The following BEND7 variants were observed in gnomAD, a reference collection of about 807,000 sequenced individuals.
The protein encoded by BEND7 is BEN domain-containing protein 7.
Under a neutral mutation model 50.9 loss-of-function variants are expected in BEND7, and 28 were observed. That is an observed-to-expected ratio of 0.55 (90% CI 0.41 to 0.75). The LOEUF is 0.75. Ranked by LOEUF, BEND7 falls within the 30% of genes least tolerant of loss-of-function variation. The probability of loss-of-function intolerance (pLI) is 0.00; values close to 1 mark genes in which losing one functional copy is unlikely to be tolerated. For missense variants in BEND7, 477 were observed against 491.3 expected (o/e 0.97, Z 0.28); for synonymous variants, 170 against 183.9 (o/e 0.92, Z 0.61).
chr10:13,441,505 T>C lies in BEND7; in HGVS notation c.*238A>G. ...CTCAAGTGCTGAACACCCCAAGCTG[T>C]GGCCCCGCCTTGGAAGGCAGTGCTT... On this transcript the variant is annotated 3_prime_UTR_variant, in exon 9 of 9. Coordinates refer to ENST00000466271, the MANE Select transcript of BEND7 (RefSeq NM_001369863.1). The C allele has an allele frequency of 1.5e-6, 2 of 1,374,984 alleles. No homozygotes were observed. Among genetic ancestry groups the C allele is most frequent in the Admixed American group, 6.6e-5 (2 of 30,398 alleles). The allele number at this position is 1,374,984 out of a possible 1,614,324, so 85.2% of individuals were successfully genotyped here.
intron 1 of BEND7, 89 bp downstream of exon 1, chr10:13,528,384 G>A (rs2079559226): frequency 3.5e-6 from 2 of 569,054 alleles, no homozygotes; most frequent in African/African-American, 4.1e-5. Context: ...CGGGGGCTCC[G>A]GGAGGGCGCG....
chr10:13,484,983 ATTTG>A (rs755336690), intron 5 of BEND7, among the ~76,000 whole-genome samples: 13 of 152,172 alleles, frequency 8.5e-5, no homozygotes, highest in Non-Finnish European at 1.5e-4. Flanking sequence ...ACTTTCACGA[ATTTG>A]TTTCTTTGCA....
chr10:13,517,981 A>T (rs2399975), intron 2 of BEND7, among the ~76,000 whole-genome samples: 150,475 of 152,352 alleles, frequency 0.99, 74,339 homozygotes, highest in Middle Eastern at 1. Context: ...ATTTTTAACT[A>T]TGAGATGCAA....
intron 2 of BEND7, among the ~76,000 whole-genome samples, chr10:13,501,772 G>A (rs1238280917): frequency 1.3e-5 from 2 of 151,952 alleles, no homozygotes; most frequent in South Asian, 2.1e-4. Context: ...CTTGAGCCCC[G>A]GAGGCAGAGG....
chr10:13,460,526 AG>A (rs1264767149), intron 6 of BEND7, among the ~76,000 whole-genome samples: 1 of 152,198 alleles, frequency 6.6e-6, no homozygotes, highest in Admixed American at 6.5e-5. Context: ...CAGCCTCCTG[AG>A]TAGCTGGGAT....
chr10:13,529,184 C>A (rs2079582771), upstream of BEND7, among the ~76,000 whole-genome samples: 1 of 145,220 alleles, frequency 6.9e-6, no homozygotes, highest in African/African-American at 2.5e-5. Context: ...GCGCGGAGGC[C>A]GCGGCGCAGC....
At chr10:13,520,322 A>T (rs10752310) in intron 2 of BEND7, among the ~76,000 whole-genome samples, 1 of 151,864 alleles carries the variant, frequency 6.6e-6, no homozygotes, top group Non-Finnish European at 1.5e-5. Flanking sequence ...TTCCCAGGCC[A>T]TAGCTCCTGC....
At chr10:13,464,971 C>T (rs138282068) in intron 6 of BEND7, among the ~76,000 whole-genome samples, 85 of 152,262 alleles carry the variant, frequency 5.6e-4, no homozygotes, top group Admixed American at 7.8e-4. Context: ...TCAACTGAGA[C>T]GTGACCTTCC....
At chr10:13,460,984 G>A (rs1025755556) in intron 6 of BEND7, among the ~76,000 whole-genome samples, 1 of 152,216 alleles carries the variant, frequency 6.6e-6, no homozygotes, top group African/African-American at 2.4e-5. Flanking sequence ...GCAGTAAGAA[G>A]TCAAGGACAG....
At chr10:13,515,228 C>A (rs2078580634) in intron 2 of BEND7, among the ~76,000 whole-genome samples, 2 of 152,280 alleles carry the variant, frequency 1.3e-5, no homozygotes, top group South Asian at 4.1e-4. Flanking sequence ...TTTTGGACAC[C>A]TCAGCCAAAC....
chr10:13,496,204 C>T (rs1033149176), intron 4 of BEND7, among the ~76,000 whole-genome samples: 8 of 152,172 alleles, frequency 5.3e-5, no homozygotes, highest in South Asian at 2.1e-4. Flanking sequence ...AGCTCAGATG[C>T]GCCACACAGC....
At chr10:13,520,229 A>T (rs894727147) in intron 2 of BEND7, among the ~76,000 whole-genome samples, 5 of 152,178 alleles carry the variant, frequency 3.3e-5, no homozygotes, top group Non-Finnish European at 7.3e-5. Flanking sequence ...CTCAGTGTTA[A>T]ATGAGATAAA....
Position 13,473,334 on chromosome 10 carries a change from C to T in BEND7, c.1063+7565G>A, listed in dbSNP as rs531429536. 5.1e-4 allele frequency among the ~76,000 whole-genome samples: 75 copies of T among 146,810 alleles called. 1 individual carries two copies. Among genetic ancestry groups the T allele is most frequent in the Non-Finnish European group, 8.6e-4 (57 of 66,620 alleles). On this transcript the variant is annotated intron_variant, in intron 6 of 8. Coordinates refer to ENST00000466271, the MANE Select transcript of BEND7 (RefSeq NM_001369863.1). The stretch of plus-strand genomic sequence containing the variant: ...CGCTGTTAGACTCGGGGATGGTATC[C>T]GTCATCGCTGTTAGACTCAGGGCCG...
intron 6 of BEND7, among the ~76,000 whole-genome samples, chr10:13,459,159 G>A (rs1839676259): frequency 6.6e-6 from 1 of 152,130 alleles, no homozygotes. Flanking sequence ...ATCCTCCCAT[G>A]TTGAACTTGA....
At position 13,526,237 on chromosome 10, in the gene BEND7, A is replaced by C. The variant is rs771707257; in HGVS notation, c.62-16T>G. 6 of 1,270,764 alleles carry C rather than the reference A, an allele frequency of 4.7e-6. No homozygotes were observed. Among genetic ancestry groups the C allele is most frequent in the African/African-American group, 4.6e-5 (3 of 65,248 alleles). The allele number at this position is 1,270,764 out of a possible 1,614,324, so 78.7% of individuals were successfully genotyped here. A position where few individuals can be genotyped will look rare whatever the true frequency, so the allele number is the denominator to read the frequency against. The stretch of plus-strand genomic sequence containing the variant: ...TGGTGATAATCTGGCATGAGAAAAC[A>C]ACCAAAAATTAGAATCCTAAGGACC... On this transcript the variant is annotated splice_polypyrimidine_tract_variant and intron_variant, in intron 1 of 8. Coordinates refer to ENST00000466271, the MANE Select transcript of BEND7 (RefSeq NM_001369863.1).
At position 13,500,061 on chromosome 10, in the gene BEND7, T is replaced by A. The variant is rs201375164; in HGVS notation, c.165A>T (p.Ile55=). ...PIFLGDESME[I]KKQITGMRRL... is the part of the protein sequence containing the mutation. ...TTCTCATCCCTGTAATTTGCTTTTT[T>A]ATTTCCATGCTTTCATCTCCTAATG... The change falls in exon 3 of 9, where the codon ATA becomes ATT. Residue 55 remains isoleucine (I), a synonymous_variant. Coordinates refer to ENST00000466271, the MANE Select transcript of BEND7 (RefSeq NM_001369863.1). The A allele has an allele frequency of 4.4e-6, 7 of 1,596,104 alleles. No homozygotes were observed. The East Asian group carries it at 1.6e-4, about 36-fold the overall frequency.
At chr10:13,452,945 T>C (rs749329555) in intron 6 of BEND7, among the ~76,000 whole-genome samples, 16 of 152,214 alleles carry the variant, frequency 1.1e-4, no homozygotes, top group Non-Finnish European at 2.1e-4. Context: ...ATGTGTCTTA[T>C]AGGCAGAGAA....
At chr10:13,507,162 TA>T (rs1376988062) in intron 2 of BEND7, among the ~76,000 whole-genome samples, 2 of 152,142 alleles carry the variant, frequency 1.3e-5, no homozygotes, top group African/African-American at 4.8e-5. Context: ...ATCTAGCATG[TA>T]AAGAACTCAA....
In BEND7 at chr10:13,441,496, C is replaced by T. The variant is rs2130796733; in HGVS notation, c.*247G>A. The T allele has an allele frequency of 1.5e-6, 2 of 1,361,288 alleles. No homozygotes were observed. Among genetic ancestry groups the T allele is most frequent in the Non-Finnish European group, 9.4e-7 (1 of 1,059,596 alleles). 84.3% of individuals were successfully genotyped at this position (1,361,288 alleles called of 1,614,324 possible). On this transcript the variant is annotated 3_prime_UTR_variant, in exon 9 of 9. Coordinates refer to ENST00000466271, the MANE Select transcript of BEND7 (RefSeq NM_001369863.1). ...CCACCCGTCCTCAAGTGCTGAACAC[C>T]CCAAGCTGTGGCCCCGCCTTGGAAG... is the stretch of plus-strand genomic sequence containing the variant.
Sources: gnomAD v4.1 joint callset for allele counts (sites outside exome capture counted in the v4.1 genomes callset) on GRCh38, gnomAD v4.1.1 for gene constraint, MANE v1.5 for transcripts, NCBI Gene and HGNC (gene_info 2026-07-23, HGNC 2026-07-21) for gene names.